The following MCC variants were observed in gnomAD, a reference collection of about 807,000 sequenced individuals.
The protein encoded by MCC is MCC regulator of Wnt signaling pathway.
In MCC, 90 loss-of-function variants were observed where a neutral mutation model predicts 116.2. The ratio of observed to expected loss-of-function variants is 0.77; its 90% CI spans 0.65 to 0.92. The LOEUF is 0.92. MCC is among the 40% of genes least tolerant of loss of function. The pLI, the probability that MCC is intolerant of heterozygous loss-of-function variation, is 0.00. For synonymous variants in MCC, 578 were observed against 510.5 expected, an observed-to-expected ratio of 1.13 and a Z score of -1.78; for missense variants, 1,516 against 1,312.2, an observed-to-expected ratio of 1.16 and a Z score of -2.40.
chr5:113,173,024 TAG>T (rs1430886783), intron 3 of MCC, among the ~76,000 whole-genome samples: 2 of 152,208 alleles, frequency 1.3e-5, no homozygotes, highest in East Asian at 3.8e-4. Flanking sequence ...GATGATTTTT[TAG>T]AGTTTGATGT....
chr5:113,027,241 G>C lies in MCC; in HGVS notation c.*61C>G, dbSNP rs578045144. ...TCCCAACAAGTACATGGGCCCTTCT[G>C]TCCCCAGTGGCCTGCTGCAGTTTAC... On this transcript the variant is annotated 3_prime_UTR_variant, in exon 19 of 19. Coordinates refer to ENST00000408903, the MANE Select transcript of MCC (RefSeq NM_001085377.2). The C allele has an allele frequency of 1.5e-4, 236 of 1,563,086 alleles. 3 individuals carry two copies. The South Asian group carries it at 2.2e-3, about 15-fold the overall frequency.
intron 1 of MCC, among the ~76,000 whole-genome samples, chr5:113,474,411 T>C (rs1013677602): frequency 4.6e-5 from 7 of 152,198 alleles, no homozygotes; most frequent in African/African-American, 1.7e-4. Flanking sequence ...GGGAGCTGCA[T>C]GTGCACAGCA....
At chr5:113,284,002 A>G (rs1169817128) in intron 3 of MCC, among the ~76,000 whole-genome samples, 1 of 152,234 alleles carries the variant, frequency 6.6e-6, no homozygotes, top group Non-Finnish European at 1.5e-5. Context: ...GATTTTCTTA[A>G]TAACATTTTC....
intron 17 of MCC, among the ~76,000 whole-genome samples, chr5:113,040,284 G>A (rs1172677192): frequency 6.6e-6 from 1 of 152,008 alleles, no homozygotes; most frequent in Admixed American, 6.6e-5. Flanking sequence ...CAGGTAAGGG[G>A]AGGTTGGGTT....
chr5:113,073,872 G>C (rs534025802), intron 11 of MCC, among the ~76,000 whole-genome samples: 17 of 152,224 alleles, frequency 1.1e-4, no homozygotes, highest in African/African-American at 3.6e-4. Flanking sequence ...GGTAAACAAA[G>C]TGGCTGGGAA....
chr5:113,225,179 A>T (rs1581275131), intron 3 of MCC, among the ~76,000 whole-genome samples: 1 of 152,258 alleles, frequency 6.6e-6, no homozygotes. Context: ...TGTCAACATC[A>T]TAACACTAGT....
At chr5:113,423,639 A>T (rs1465175295) in intron 1 of MCC, among the ~76,000 whole-genome samples, 1 of 152,206 alleles carries the variant, frequency 6.6e-6, no homozygotes, top group Non-Finnish European at 1.5e-5. Flanking sequence ...GCCAGACTGA[A>T]GCAAGTATTG....
At chr5:113,087,270 T>C (rs988644446) in intron 8 of MCC, among the ~76,000 whole-genome samples, 2 of 152,116 alleles carry the variant, frequency 1.3e-5, no homozygotes, top group Admixed American at 1.3e-4. Flanking sequence ...TCAAAGCAAA[T>C]TGCATTCAAT....
chr5:113,335,445 C>G (rs545837439), intron 3 of MCC, among the ~76,000 whole-genome samples: 1 of 151,836 alleles, frequency 6.6e-6, no homozygotes, highest in African/African-American at 2.4e-5. Flanking sequence ...TTTATCTAGA[C>G]ATTGCTATTT....
chr5:113,060,100 T>C (rs1409078481), intron 14 of MCC, among the ~76,000 whole-genome samples: 2 of 152,228 alleles, frequency 1.3e-5, no homozygotes, highest in African/African-American at 4.8e-5. Flanking sequence ...CATCAACATC[T>C]TACCTGGCCC....
At chr5:113,373,446 C>T (rs940585409) in intron 2 of MCC, among the ~76,000 whole-genome samples, 1 of 152,166 alleles carries the variant, frequency 6.6e-6, no homozygotes, top group Middle Eastern at 3.2e-3. Context: ...AAATAACATA[C>T]ATCTGACTAT....
chr5:113,344,541 G>C (rs1255174414), intron 2 of MCC, among the ~76,000 whole-genome samples: 1 of 151,550 alleles, frequency 6.6e-6, no homozygotes, highest in Non-Finnish European at 1.5e-5. Context: ...CCTTCTGCTT[G>C]AGGAGAGGAG....
chr5:113,186,380 T>C lies in MCC; in HGVS notation c.628-34958A>G, dbSNP rs77843855. 1.3e-3 allele frequency among the ~76,000 whole-genome samples: 193 copies of C among 152,236 alleles called. 7 individuals carry two copies. The East Asian group carries it at 0.033, about 26-fold the overall frequency. Reference sequence around the variant, plus strand: ...GGGCCTGTTTTAAATATGAATGGGTTTGATATAAAAATGTGTTTCTGAATT... The same window carrying C: ...GGGCCTGTTTTAAATATGAATGGGTCTGATATAAAAATGTGTTTCTGAATT... On this transcript the variant is annotated intron_variant, in intron 3 of 18. Coordinates refer to ENST00000408903, the MANE Select transcript of MCC (RefSeq NM_001085377.2).
intron 3 of MCC, among the ~76,000 whole-genome samples, chr5:113,319,845 T>G: frequency 6.6e-6 from 1 of 152,188 alleles, no homozygotes; most frequent in East Asian, 1.9e-4. Flanking sequence ...CTTGCAAAAC[T>G]TTGCCTTGGA....
intron 3 of MCC, among the ~76,000 whole-genome samples, chr5:113,287,613 C>A (rs1465897385): frequency 1.3e-5 from 2 of 152,202 alleles, no homozygotes; most frequent in African/African-American, 2.4e-5. Flanking sequence ...GCATGAGCCA[C>A]CACGCCCAGC....
At chr5:113,273,625 A>G (rs1765700815) in intron 3 of MCC, among the ~76,000 whole-genome samples, 1 of 152,228 alleles carries the variant, frequency 6.6e-6, no homozygotes, top group Non-Finnish European at 1.5e-5. Context: ...GTGTGTGTGT[A>G]GAGACTAAAT....
chr5:113,100,055 T>A (rs1756298841), intron 8 of MCC, among the ~76,000 whole-genome samples: 1 of 152,192 alleles, frequency 6.6e-6, no homozygotes. Context: ...TGGGATGATT[T>A]ACACCTGCTG....
chr5:113,068,766 C>G (rs116145887), intron 12 of MCC, among the ~76,000 whole-genome samples: 1,531 of 152,332 alleles, frequency 0.01, 31 homozygotes, highest in African/African-American at 0.035. Flanking sequence ...AGGCCTCCAG[C>G]CAACAGCCAG....
rs762777635 is a variant in MCC, at chr5:113,434,444, G to A, written c.171-49232C>T. ...TGTCACACTTGAGGTCCCGGTGGAC[G>A]ACGTCCAGGTCGTGGCAGTACTTGA... On this transcript the variant is annotated intron_variant, in intron 1 of 18. Transcript: ENST00000408903. The surrounding 1 kb of genome is among the most constrained non-coding windows in gnomAD (Gnocchi z 4.2). The A allele has an allele frequency of 1.3e-5, 21 of 1,613,892 alleles. No homozygotes were observed. Among genetic ancestry groups the A allele is most frequent in the South Asian group, 1.2e-4 (11 of 91,052 alleles).
Sources: allele counts gnomAD v4.1 joint callset (sites outside exome capture counted in the v4.1 genomes callset), GRCh38; gene constraint gnomAD v4.1.1; non-coding constraint Gnocchi (gnomAD v3.1); transcripts MANE v1.5; gene names NCBI Gene and HGNC (gene_info 2026-07-23, HGNC 2026-07-21).